OR9Q1: variants seen among roughly 807,000 people sequenced by gnomAD.
The protein encoded by OR9Q1 is olfactory receptor family 9 subfamily Q member 1.
For missense variants in OR9Q1, 374 were observed against 378.8 expected, an observed-to-expected ratio of 0.99 and a Z score of 0.11; for synonymous variants, 153 against 148.6, an observed-to-expected ratio of 1.03 and a Z score of -0.22.
chr11:58,074,399 A>C (rs1044690649), intron 2 of OR9Q1, among the ~76,000 whole-genome samples: 13 of 152,132 alleles, frequency 8.5e-5, no homozygotes, highest in Non-Finnish European at 1.3e-4. Flanking sequence ...TGGCCACATA[A>C]ATATCTTCTT....
chr11:58,161,215 A>C (rs1854454282), intron 2 of OR9Q1, among the ~76,000 whole-genome samples: 2 of 151,390 alleles, frequency 1.3e-5, no homozygotes, highest in Admixed American at 1.3e-4. Context: ...CATGTTGTGC[A>C]CATGTACCCT....
chr11:58,082,339 G>A (rs1010476109), intron 2 of OR9Q1, among the ~76,000 whole-genome samples: 1 of 152,016 alleles, frequency 6.6e-6, no homozygotes, highest in African/African-American at 2.4e-5. Flanking sequence ...AAGATTTGGA[G>A]CCAACCCAAA....
intron 2 of OR9Q1, chr11:58,171,327 C>G (rs1463079942): frequency 6.6e-6 from 1 of 152,370 alleles, no homozygotes; most frequent in East Asian, 1.9e-4. Context: ...TCTGTGACCT[C>G]CATTGCTGCT....
Position 58,046,401 on chromosome 11 carries a change from GTATTATAGAACA to G in OR9Q1, c.-92-9461_-92-9450del, listed in dbSNP as rs1565059262. Reference sequence around the variant, plus strand: ...AAATCACGGAGAAAAGAGATAGAACGTATTATAGAACATATTATACCAGTTATAGTCATTTTC... The same window carrying G: ...AAATCACGGAGAAAAGAGATAGAACGTATTATACCAGTTATAGTCATTTTC... On this transcript the variant is annotated intron_variant, in intron 1 of 2. Coordinates refer to ENST00000335397, the MANE Select transcript of OR9Q1 (RefSeq NM_001005212.4). Among the ~76,000 whole-genome samples, 19 of 152,272 alleles carry G rather than the reference GTATTATAGAACA, an allele frequency of 1.2e-4. 2 individuals are homozygous for G. In the South Asian group the frequency reaches 3.5e-3, roughly 28 times the overall value.
intron 2 of OR9Q1, among the ~76,000 whole-genome samples, chr11:58,136,449 A>G (rs538102465): frequency 6.6e-6 from 1 of 152,244 alleles, no homozygotes; most frequent in South Asian, 2.1e-4. Flanking sequence ...GTTGATCTAA[A>G]TTGCCTGGGA....
intron 2 of OR9Q1, among the ~76,000 whole-genome samples, chr11:58,175,693 T>G (rs1854600345): frequency 6.6e-6 from 1 of 152,098 alleles, no homozygotes; most frequent in African/African-American, 2.4e-5. Flanking sequence ...TCATTTCACA[T>G]CTCTTGCTCT....
Position 58,181,071 on chromosome 11 carries a change from C to G in OR9Q1, c.*694C>G, listed in dbSNP as rs1854660915. The G allele has an allele frequency of 6.0e-6, 1 of 167,056 alleles. No homozygotes were observed. The highest frequency in any genetic ancestry group is 2.1e-4 in the South Asian group (1 of 4,826). 10.3% of individuals were successfully genotyped at this position (167,056 alleles called of 1,614,324 possible). On this transcript the variant is annotated 3_prime_UTR_variant, in exon 3 of 3. Transcript: ENST00000335397. ...TAGTAGTTCTCAAGAAGGCCTCACA[C>G]AAACTTTTAACAATGCCTACAATAA...
At chr11:58,098,347 G>C (rs1020659868) in intron 2 of OR9Q1, among the ~76,000 whole-genome samples, 1 of 152,036 alleles carries the variant, frequency 6.6e-6, no homozygotes, top group African/African-American at 2.4e-5. Context: ...CTTTATTAAG[G>C]AATTTGTTTC....
intron 1 of OR9Q1, among the ~76,000 whole-genome samples, chr11:58,038,312 T>C (rs1853128232): frequency 6.6e-6 from 1 of 152,346 alleles, no homozygotes; most frequent in Non-Finnish European, 1.5e-5. Context: ...GGCAGATCAA[T>C]CTGCAATGAG....
chr11:58,088,630 G>A (rs1853655587), intron 2 of OR9Q1, among the ~76,000 whole-genome samples: 1 of 151,856 alleles, frequency 6.6e-6, no homozygotes, highest in Non-Finnish European at 1.5e-5. Context: ...CTTTGGAGAA[G>A]TGTCTGTTCA....
intron 2 of OR9Q1, among the ~76,000 whole-genome samples, chr11:58,136,334 A>C (rs1057026399): frequency 6.6e-6 from 1 of 152,150 alleles, no homozygotes; most frequent in Admixed American, 6.5e-5. Flanking sequence ...TTAAGGATGC[A>C]CTTTCTTCCT....
intron 1 of OR9Q1, chr11:58,040,964 G>A (rs1203166475): frequency 6.6e-6 from 1 of 152,242 alleles, no homozygotes; most frequent in Non-Finnish European, 1.5e-5. Context: ...AGGTATGAAG[G>A]ACACCCAGAC....
intron 2 of OR9Q1, among the ~76,000 whole-genome samples, chr11:58,110,004 A>G (rs117511596): frequency 1.5e-4 from 23 of 152,286 alleles, no homozygotes; most frequent in Admixed American, 3.3e-4. Flanking sequence ...CCAAATTGTT[A>G]TCTAGCTCAG....
In OR9Q1 at chr11:58,136,651, C is replaced by T. The variant is rs181769270; in HGVS notation, c.-14-42780C>T. Among the ~76,000 whole-genome samples the T allele has an allele frequency of 1.2e-3, 178 of 152,334 alleles. 3 individuals carry two copies. The highest frequency in any genetic ancestry group is 4.1e-3 in the African/African-American group (170 of 41,584). On this transcript the variant is annotated intron_variant, in intron 2 of 2. Coordinates refer to ENST00000335397, the MANE Select transcript of OR9Q1 (RefSeq NM_001005212.4). The stretch of plus-strand genomic sequence containing the variant: ...TATCACATGGCAAGGTGCAACTGTT[C>T]TTGGAGAGAACCAAACTTCTAGCTC...
At chr11:58,129,177 C>T (rs759719602) in intron 2 of OR9Q1, among the ~76,000 whole-genome samples, 1 of 151,904 alleles carries the variant, frequency 6.6e-6, no homozygotes, top group Admixed American at 6.6e-5. Context: ...ACCATCTCAA[C>T]GGTGGTGGTT....
intron 2 of OR9Q1, among the ~76,000 whole-genome samples, chr11:58,156,487 G>A (rs1854409379): frequency 6.6e-6 from 1 of 152,122 alleles, no homozygotes; most frequent in Non-Finnish European, 1.5e-5. Flanking sequence ...TAAAATAGGA[G>A]TTCTGTGATT....
intron 2 of OR9Q1, among the ~76,000 whole-genome samples, chr11:58,129,597 G>A (rs73482608): frequency 0.03 from 4,634 of 151,982 alleles, 227 homozygotes; most frequent in African/African-American, 0.1. Context: ...GCATATTCTG[G>A]CCTCAGAGCC....
At chr11:58,140,096 G>A (rs1481534550) in intron 2 of OR9Q1, among the ~76,000 whole-genome samples, 1 of 152,140 alleles carries the variant, frequency 6.6e-6, no homozygotes, top group African/African-American at 2.4e-5. Flanking sequence ...TTCGAGAAGT[G>A]TCTGTTCATA....
chr11:58,129,848 T>C (rs1854124343), intron 2 of OR9Q1, among the ~76,000 whole-genome samples: 1 of 147,672 alleles, frequency 6.8e-6, no homozygotes, highest in African/African-American at 2.6e-5. Context: ...AGGGCAGGGC[T>C]TTTTTTTTCT....
Sources: gnomAD v4.1 joint callset for allele counts (sites outside exome capture counted in the v4.1 genomes callset) on GRCh38, gnomAD v4.1.1 for gene constraint, MANE v1.5 for transcripts, NCBI Gene and HGNC (gene_info 2026-07-23, HGNC 2026-07-21) for gene names.